ZFPM1: variants seen among roughly 807,000 people sequenced by gnomAD.
ZFPM1 encodes zinc finger protein, FOG family member 1, also known as zinc finger protein ZFPM1.
Under a neutral mutation model 46.3 loss-of-function variants are expected in ZFPM1, and 28 were observed. That is an observed-to-expected ratio of 0.60 (90% CI 0.45 to 0.83). The LOEUF is 0.83. Among genes scored for constraint, ZFPM1 ranks in the 40% least tolerant of loss-of-function variants. The pLI is 0.00. For missense variants in ZFPM1, 1,878 were observed against 1,432.4 expected, an observed-to-expected ratio of 1.31 and a Z score of -5.02; for synonymous variants, 957 against 675.9, an observed-to-expected ratio of 1.42 and a Z score of -6.45.
rs565190612 is a variant in ZFPM1, at chr16:88,535,371, C to G, written c.*392C>G. ...CACTGCAGGGCCAGCCGCTCTGGGC[C>G]TACCCCACCCCAGCCCTGTCCATAC... On this transcript the variant is annotated 3_prime_UTR_variant, in exon 10 of 10. Coordinates refer to ENST00000319555, the MANE Select transcript of ZFPM1 (RefSeq NM_153813.3). 6.2e-6 allele frequency: 1 copy of G among 161,748 alleles called. No individual in the cohort carries two copies. The highest frequency in any genetic ancestry group is 2.4e-5 in the African/African-American group (1 of 41,944). The allele number at this position is 161,748 out of a possible 1,614,324, so 10.0% of individuals were successfully genotyped here.
intron 4 of ZFPM1, chr16:88,516,215 C>T (rs563608900): frequency 7.5e-6 from 3 of 398,640 alleles, no homozygotes; most frequent in South Asian, 1.3e-4. Context: ...CCCCGGAGAC[C>T]CTCGCAAGCT....
At position 88,533,554 on chromosome 16, in the gene ZFPM1, G is replaced by A. The variant is rs574184583; in HGVS notation, c.1596G>A (p.Gly532=). 4.5e-4 allele frequency: 668 copies of A among 1,478,644 alleles called. 2 individuals are homozygous for A. In the Middle Eastern group the frequency reaches 0.011, roughly 24 times the overall value. The allele number at this position is 1,478,644 out of a possible 1,614,324, so 91.6% of individuals were successfully genotyped here. Residue 532 remains glycine (G), a synonymous_variant, in exon 10 of 10, where the codon GGG becomes GGA. Transcript: ENST00000319555. ...TGTTCCTTCCGCAGTACGTGTTCGG[G>A]CCCGACGCGGCGCCCCCCGCCTCGG... ...GALFLPQYVF[G]PDAAPPASEI...
At chr16:88,453,743 C>T (rs1907399603) in intron 1 of ZFPM1, 65 bp downstream of exon 1, 3 of 989,784 alleles carry the variant, frequency 3.0e-6, no homozygotes, top group Admixed American at 4.8e-5. Context: ...CAGCCGCCAG[C>T]GCCGCCCCCG....
chr16:88,462,004 G>T lies in ZFPM1; in HGVS notation c.40+8326G>T, dbSNP rs574875137. Among the ~76,000 whole-genome samples, 4 of 152,344 alleles carry T rather than the reference G, an allele frequency of 2.6e-5. No individual in the cohort carries two copies. The East Asian group carries it at 7.7e-4, about 29-fold the overall frequency. On this transcript the variant is annotated intron_variant, in intron 1 of 9. Transcript: ENST00000319555. Reference sequence around the variant, plus strand: ...GCACCCCCAGGCCACCAGCCCTACTGCATCGGCCGGCGGCCTCCCCATCTC... The same window carrying T: ...GCACCCCCAGGCCACCAGCCCTACTTCATCGGCCGGCGGCCTCCCCATCTC...
At chr16:88,488,425 C>G (rs571063445) in intron 2 of ZFPM1, among the ~76,000 whole-genome samples, 1 of 152,378 alleles carries the variant, frequency 6.6e-6, no homozygotes, top group Non-Finnish European at 1.5e-5. Context: ...GCGGGTCCAG[C>G]GAGGCTCCCT....
At chr16:88,508,519 T>C (rs112740303) in intron 3 of ZFPM1, among the ~76,000 whole-genome samples, 15 of 152,286 alleles carry the variant, frequency 9.8e-5, no homozygotes, top group Admixed American at 3.3e-4. Flanking sequence ...TGGGTTCCCC[T>C]GGTCTCTCCT....
chr16:88,465,559 C>G (rs1010988873), intron 1 of ZFPM1, among the ~76,000 whole-genome samples: 1 of 151,724 alleles, frequency 6.6e-6, no homozygotes, highest in Non-Finnish European at 1.5e-5. Context: ...CCCTGGTGTC[C>G]CCCTGGTGCC....
rs979412111 is a variant in ZFPM1, at chr16:88,504,557, C to T, written c.269-9830C>T. Among the ~76,000 whole-genome samples the T allele has an allele frequency of 1.2e-4, 19 of 152,236 alleles. No homozygotes were observed. The East Asian group carries it at 1.7e-3, about 14-fold the overall frequency. On this transcript the variant is annotated intron_variant, in intron 3 of 9. Transcript: ENST00000319555. The stretch of plus-strand genomic sequence containing the variant: ...AGACTCCTCAGCCCTGGCGAGGTGC[C>T]GCAGAGTGGCAGAGACACCGCCCAG...
At chr16:88,476,114 G>A (rs1908670976) in intron 1 of ZFPM1, among the ~76,000 whole-genome samples, 1 of 152,114 alleles carries the variant, frequency 6.6e-6, no homozygotes, top group African/African-American at 2.4e-5. Context: ...AGGTAGCAGG[G>A]CACCTTGCCA....
intron 6 of ZFPM1, chr16:88,530,909 TGGA>T (rs1320529785): frequency 6.6e-6 from 1 of 151,728 alleles, no homozygotes; most frequent in Admixed American, 6.6e-5. Flanking sequence ...AACAGCGAGG[TGGA>T]GGAGGAAGAG....
intron 5 of ZFPM1, among the ~76,000 whole-genome samples, chr16:88,527,450 G>C (rs1426169862): frequency 6.6e-6 from 1 of 152,162 alleles, no homozygotes; most frequent in African/African-American, 2.4e-5. Context: ...GGCCCTCTGG[G>C]CTTAGGCAGG....
At chr16:88,461,026 G>GC (rs1389909294) in intron 1 of ZFPM1, among the ~76,000 whole-genome samples, 24 of 122,632 alleles carry the variant, frequency 2.0e-4, no homozygotes, top group African/African-American at 9.3e-4. Context: ...GGGGCGGGAG[G>GC]CCTGGTGAGG....
intron 1 of ZFPM1, among the ~76,000 whole-genome samples, chr16:88,476,162 C>T (rs1397385105): frequency 6.6e-6 from 1 of 151,936 alleles, no homozygotes; most frequent in Non-Finnish European, 1.5e-5. Flanking sequence ...CTCAGCCTGG[C>T]TCACCCACCC....
intron 1 of ZFPM1, among the ~76,000 whole-genome samples, chr16:88,481,369 G>A (rs1908928116): frequency 6.6e-6 from 1 of 152,168 alleles, no homozygotes. Flanking sequence ...GAAGGGCTAC[G>A]TGCTGGGTGC....
chr16:88,462,478 C>T (rs187023581), intron 1 of ZFPM1, among the ~76,000 whole-genome samples: 7 of 152,252 alleles, frequency 4.6e-5, no homozygotes, highest in African/African-American at 1.7e-4. Flanking sequence ...TCTCACAGCA[C>T]ACAGTGGTGC....
chr16:88,460,995 G>A lies in ZFPM1; in HGVS notation c.40+7317G>A, dbSNP rs139030348. ...TGAGGACCGAGGGGAGGGGCGGGAGGCCTGGTGAGGACCGAGGGGTGGGGC... is the reference window on the plus strand; with the variant it reads ...TGAGGACCGAGGGGAGGGGCGGGAGACCTGGTGAGGACCGAGGGGTGGGGC... On this transcript the variant is annotated intron_variant, in intron 1 of 9. Transcript: ENST00000319555. Among the ~76,000 whole-genome samples the A allele has an allele frequency of 5.5e-3, 303 of 54,862 alleles. 9 individuals carry two copies. The highest frequency in any genetic ancestry group is 7.8e-3 in the Non-Finnish European group (209 of 26,726). The allele number at this position is 54,862 out of a possible 152,430, so 36.0% of individuals were successfully genotyped here.
Position 88,506,896 on chromosome 16 carries a change from C to A in ZFPM1, c.269-7491C>A, listed in dbSNP as rs143656797. ...TGGCTCCCGTCACCCGCGTCTCATC[C>A]GCCTGCGGCTCCGTCTCCCTTCTCG... On this transcript the variant is annotated intron_variant, in intron 3 of 9. Coordinates refer to ENST00000319555, the MANE Select transcript of ZFPM1 (RefSeq NM_153813.3). Among the ~76,000 whole-genome samples, 746 of 152,344 alleles carry A rather than the reference C, an allele frequency of 4.9e-3. 5 individuals carry two copies. The highest frequency in any genetic ancestry group is 0.017 in the African/African-American group (704 of 41,570).
chr16:88,491,419 C>T (rs1394892974), intron 3 of ZFPM1, among the ~76,000 whole-genome samples: 1 of 152,198 alleles, frequency 6.6e-6, no homozygotes, highest in Non-Finnish European at 1.5e-5. Context: ...CAAGAGGGGC[C>T]GAGATGGTGA....
chr16:88,489,430 C>A (rs2142378262), intron 3 of ZFPM1: 1 of 402,634 alleles, frequency 2.5e-6, no homozygotes, highest in Non-Finnish European at 4.4e-6. Context: ...GGAAGAGGAT[C>A]CAGAGTGGTG....
Sources: allele counts gnomAD v4.1 joint callset (sites outside exome capture counted in the v4.1 genomes callset), GRCh38; gene constraint gnomAD v4.1.1; transcripts MANE v1.5; gene names NCBI Gene and HGNC (gene_info 2026-07-23, HGNC 2026-07-21).